Variants in HSPG2 observed in about 807,000 individuals in gnomAD.
The protein encoded by HSPG2 is heparan sulfate proteoglycan 2, also known as basement membrane-specific heparan sulfate proteoglycan core protein.
HSPG2 carries 278 observed loss-of-function variants against 526.6 expected under a neutral mutation model. The observed-to-expected ratio is 0.53, with a 90% CI of 0.48 to 0.58. The LOEUF is 0.58. Among genes scored for constraint, HSPG2 ranks in the 20% least tolerant of loss-of-function variants. HSPG2 has a pLI of 0.00. For synonymous variants in HSPG2, 2,465 were observed against 2,555.4 expected (o/e 0.96, Z 1.07); for missense variants, 5,354 against 6,099.5 (o/e 0.88, Z 4.07).
At position 21,842,331 on chromosome 1, in the gene HSPG2, C is replaced by T; in HGVS notation, c.8960G>A (p.Gly2987Asp). The stretch of plus-strand genomic sequence containing the variant: ...GCTGGCTGCACGACACACATACTCG[C>T]CTGAGTCGGCAGGGGAGACGAGGTG... ...RLHLVSPADS[G>D]EYVCRAASGP... Residue 2987 changes from glycine to aspartate, a missense_variant, in exon 68 of 97, where the codon GGC becomes GAC. By Grantham distance (94) the Gly-to-Asp change is moderately conservative. Coordinates refer to ENST00000374695, the MANE Select transcript of HSPG2 (RefSeq NM_005529.7). 1 of 1,611,902 alleles carries T rather than the reference C, an allele frequency of 6.2e-7. No homozygotes were observed. The highest frequency in any genetic ancestry group is 1.1e-5 in the South Asian group (1 of 90,932).
Position 21,859,907 on chromosome 1 carries a change from G to A in HSPG2, c.5110C>T (p.Pro1704Ser). Residue 1704 changes from proline to serine, a missense_variant, in exon 41 of 97, where the codon CCA (proline) becomes TCA (serine). Coordinates refer to ENST00000374695, the MANE Select transcript of HSPG2 (RefSeq NM_005529.7). The surrounding 1 kb of genome is among the most constrained non-coding windows in gnomAD (Gnocchi z 5.3). ...HSLRCQVSGSPPHYFYWSRED... is the reference protein window; with the variant it reads ...HSLRCQVSGSSPHYFYWSRED... Reference sequence around the variant, plus strand: ...CGGGACCAATAGAAGTAGTGGGGTGGGCTCCCACTGACCTGACACCGCAGG... The same window carrying A: ...CGGGACCAATAGAAGTAGTGGGGTGAGCTCCCACTGACCTGACACCGCAGG... 6.2e-7 allele frequency: 1 copy of A among 1,610,310 alleles called. No individual in the cohort carries two copies. The highest frequency in any genetic ancestry group is 8.5e-7 in the Non-Finnish European group (1 of 1,179,276).
At chr1:21,884,313 C>A (rs1641712473) in intron 13 of HSPG2, among the ~76,000 whole-genome samples, 1 of 152,168 alleles carries the variant, frequency 6.6e-6, no homozygotes, top group African/African-American at 2.4e-5. Context: ...TCGCCGTAAC[C>A]TGAAGCAGGT....
chr1:21,919,615 C>T lies in HSPG2; in HGVS notation c.63+17540G>A, dbSNP rs182805096. On this transcript the variant is annotated intron_variant, in intron 1 of 96. Coordinates refer to ENST00000374695, the MANE Select transcript of HSPG2 (RefSeq NM_005529.7). The stretch of plus-strand genomic sequence containing the variant: ...CAGTCATCTCTCCAGGGGTGGTTTT[C>T]AGGATGAAATGAGACAGCAGACGGA... Among the ~76,000 whole-genome samples the T allele has an allele frequency of 2.6e-5, 4 of 152,134 alleles. No individual in the cohort carries two copies. In the East Asian group the frequency reaches 7.8e-4, roughly 29 times the overall value.
Position 21,831,338 on chromosome 1 carries a change from G to C in HSPG2, c.11453-14C>G, listed in dbSNP as rs750673768. ...CCCGGACACAGCCTGGGAGGTGAGT[G>C]GGCAGGATGAGCACAGGGCAGGGTG... On this transcript the variant is annotated splice_polypyrimidine_tract_variant and intron_variant, in intron 83 of 96. Transcript: ENST00000374695. 1.2e-6 allele frequency: 2 copies of C among 1,612,264 alleles called. No homozygotes were observed. Among genetic ancestry groups the C allele is most frequent in the Non-Finnish European group, 1.7e-6 (2 of 1,178,370 alleles).
At chr1:21,823,999 C>T (rs570286988) in intron 95 of HSPG2, 122 bp downstream of exon 95, 7 of 1,029,686 alleles carry the variant, frequency 6.8e-6, no homozygotes, top group Non-Finnish European at 4.4e-6. Context: ...GTTCTCCCCT[C>T]CCCTGGCTTC....
In HSPG2 at chr1:21,839,418, G is replaced by A. The variant is rs1468268553; in HGVS notation, c.9842C>T (p.Thr3281Ile). The change falls in exon 73 of 97, where the codon ACT becomes ATT. Residue 3281 changes from threonine to isoleucine, a missense_variant. Thr to Ile is a moderately conservative substitution (Grantham distance 89). Transcript: ENST00000374695. The surrounding 1 kb of genome is among the most constrained non-coding windows in gnomAD (Gnocchi z 4.5). ...GGCCTCAGCGTGCCCAGCAGGGCTA[G>A]TGGCATTGCAGATGTACTGGCCCGA... ...QDSGQYICNA[T>I]SPAGHAEATI... 1 of 1,613,888 alleles carries A rather than the reference G, an allele frequency of 6.2e-7. No homozygotes were observed. Among genetic ancestry groups the A allele is most frequent in the Non-Finnish European group, 8.5e-7 (1 of 1,180,010 alleles).
rs1173110405 is a variant in HSPG2 at position 21,859,525 on chromosome 1, C to G, written c.5293+41G>C. 6.8e-7 allele frequency: 1 copy of G among 1,461,008 alleles called. No homozygotes were observed. The highest frequency in any genetic ancestry group is 1.9e-5 in the Admixed American group (1 of 51,346). 90.5% of individuals were successfully genotyped at this position (1,461,008 alleles called of 1,614,324 possible). ...TGAATCTGCAGCCTGCAGCCCAGCC[C>G]AGGACAGGCAGTCTTGGTTACAGGG... On this transcript the variant is annotated intron_variant, in intron 42 of 96. Coordinates refer to ENST00000374695, the MANE Select transcript of HSPG2 (RefSeq NM_005529.7). The surrounding 1 kb of genome is among the most constrained non-coding windows in gnomAD (Gnocchi z 5.3).
At position 21,874,346 on chromosome 1, in the gene HSPG2, T is replaced by C. The variant is rs1640882604; in HGVS notation, c.3656+60A>G. The C allele has an allele frequency of 5.0e-6, 8 of 1,600,738 alleles. No homozygotes were observed. The Admixed American group carries it at 1.0e-4, about 20-fold the overall frequency. ...TCAGAAGGGCCCTGGATGAAGCGGG[T>C]GTGGGAGCGGGTGGTAGACATTTCA... On this transcript the variant is annotated intron_variant, in intron 28 of 96. Coordinates refer to ENST00000374695, the MANE Select transcript of HSPG2 (RefSeq NM_005529.7).
rs575804995 is a variant in HSPG2, at chr1:21,898,256, G to A, written c.64-1946C>T. 5.9e-5 allele frequency among the ~76,000 whole-genome samples: 9 copies of A among 152,154 alleles called. No homozygotes were observed. The highest frequency in any genetic ancestry group is 1.2e-4 in the African/African-American group (5 of 41,494). ...GCCATTTGTTCATCTTTGTGTTTGC[G>A]GTGCTCTCAGACCTTGGGGAAGGTC... On this transcript the variant is annotated intron_variant, in intron 1 of 96. Transcript: ENST00000374695. This position sits in a 1 kb window ranked among gnomAD's most constrained non-coding sequence, Gnocchi z 4.0.
intron 33 of HSPG2, among the ~76,000 whole-genome samples, chr1:21,866,123 A>G (rs1640210480): frequency 6.6e-6 from 1 of 152,168 alleles, no homozygotes; most frequent in Non-Finnish European, 1.5e-5. Flanking sequence ...GGAATTTCCC[A>G]TAAGGCAGAC....
At chr1:21,935,861 CAGG>C (rs1557846929) in intron 1 of HSPG2, among the ~76,000 whole-genome samples, 2 of 151,766 alleles carry the variant, frequency 1.3e-5, no homozygotes, top group African/African-American at 4.8e-5. Flanking sequence ...GAGGCTGAAA[CAGG>C]AGGACGACAG....
rs376929010 is a variant in HSPG2 at position 21,824,323 on chromosome 1, G to A, written c.12798C>T (p.Asp4266=). The A allele has an allele frequency of 8.7e-5, 141 of 1,613,856 alleles. No homozygotes were observed. The highest frequency in any genetic ancestry group is 7.5e-4 in the African/African-American group (56 of 75,036). ...GGACCTACCTGAAGACAAGGTGCCC[G>A]TCTTGAAGCCCGAGGCTGATGAAGT... is the stretch of plus-strand genomic sequence containing the variant. ...GKDFISLGLQ[D]GHLVFRYQLG... is the part of the protein sequence containing the mutation. The change falls in exon 94 of 97, where the codon GAC becomes GAT. Residue 4266 remains aspartate, a synonymous_variant. Coordinates refer to ENST00000374695, the MANE Select transcript of HSPG2 (RefSeq NM_005529.7). This position sits in a 1 kb window ranked among gnomAD's most constrained non-coding sequence, Gnocchi z 5.9.
chr1:21,841,868 A>T, intron 69 of HSPG2, 134 bp downstream of exon 69: 2 of 1,371,756 alleles, frequency 1.5e-6, no homozygotes, highest in Non-Finnish European at 2.0e-6. Context: ...CCATACAGAG[A>T]CGGGAAGGGC....
chr1:21,863,060 C>CAAAAACAAAAAAAAAAAAAAAAA (rs1423127350), intron 37 of HSPG2, among the ~76,000 whole-genome samples: 2 of 31,230 alleles, frequency 6.4e-5, no homozygotes, highest in African/African-American at 3.0e-4. Flanking sequence ...GACTCCATCT[C>CAAAAACAAAAAAAAAAAAAAAAA]AAAAAAAAAA....
Position 21,833,533 on chromosome 1 carries a change from T to C in HSPG2, c.10912A>G (p.Thr3638Ala). 1.2e-6 allele frequency: 2 copies of C among 1,614,058 alleles called. No individual in the cohort carries two copies. The highest frequency in any genetic ancestry group is 2.2e-5 in the South Asian group (2 of 91,076). Residue 3638 changes from threonine (T) to alanine (A), a missense_variant, in exon 79 of 97, where the codon ACC becomes GCC. Thr to Ala is a moderately conservative substitution (Grantham distance 58). Transcript: ENST00000374695. ...CGGTTAGTGGCGGTGCAGACGTAGGTACCTGCGTCCTGGGGTCGGACTGAG... is the reference window on the plus strand; with the variant it reads ...CGGTTAGTGGCGGTGCAGACGTAGGCACCTGCGTCCTGGGGTCGGACTGAG... ...LPSVRPQDAG[T>A]YVCTATNRQG... is the part of the protein sequence containing the mutation.
chr1:21,914,090 G>C (rs1643806221), intron 1 of HSPG2, among the ~76,000 whole-genome samples: 1 of 152,116 alleles, frequency 6.6e-6, no homozygotes, highest in Non-Finnish European at 1.5e-5. Context: ...AAAGAGAAGG[G>C]GGAAAAAACA....
At position 21,878,508 on chromosome 1, in the gene HSPG2, G is replaced by GC. The variant is rs755965138; in HGVS notation, c.2559-18dup. On this transcript the variant is annotated splice_polypyrimidine_tract_variant and intron_variant, in intron 19 of 96. Transcript: ENST00000374695. ...GGGGCACAGCTAGGGGAGAGAGGGG[G>GC]CCGCCATCAGCACTTCCATGACCCC... 1 of 1,613,406 alleles carries GC rather than the reference G, an allele frequency of 6.2e-7. No homozygotes were observed. The highest frequency in any genetic ancestry group is 1.7e-5 in the Admixed American group (1 of 59,944).
chr1:21,896,338 C>T (rs1489758230), intron 1 of HSPG2, 28 bp from the exon 2 acceptor site: 5 of 1,608,854 alleles, frequency 3.1e-6, no homozygotes, highest in African/African-American at 1.3e-5. Flanking sequence ...CTGATTGAGT[C>T]ACTCTCTCCA....
At position 21,848,191 on chromosome 1, in the gene HSPG2, C is replaced by A; in HGVS notation, c.7738-98G>T. 2 of 1,371,806 alleles carry A rather than the reference C, an allele frequency of 1.5e-6. No individual in the cohort carries two copies. The highest frequency in any genetic ancestry group is 2.0e-6 in the Non-Finnish European group (2 of 997,464). The allele number at this position is 1,371,806 out of a possible 1,614,324, so 85.0% of individuals were successfully genotyped here. On this transcript the variant is annotated intron_variant, in intron 59 of 96. Transcript: ENST00000374695. This position sits in a 1 kb window ranked among gnomAD's most constrained non-coding sequence, Gnocchi z 4.9. ...GCTGCCCCTGGACTCTGGGGGCCTCCCTGCCTTGCCTCCTCAGTGGCCTTC... is the reference window on the plus strand; with the variant it reads ...GCTGCCCCTGGACTCTGGGGGCCTCACTGCCTTGCCTCCTCAGTGGCCTTC...
Sources: allele counts gnomAD v4.1 joint callset (sites outside exome capture counted in the v4.1 genomes callset), GRCh38; gene constraint gnomAD v4.1.1; non-coding constraint Gnocchi (gnomAD v3.1); transcripts MANE v1.5; gene names NCBI Gene and HGNC (gene_info 2026-07-23, HGNC 2026-07-21).